Variants in EDNRA observed in about 807,000 individuals in gnomAD.
EDNRA encodes the protein endothelin-1 receptor.
EDNRA carries 11 observed loss-of-function variants against 41.4 expected under a neutral mutation model. That is an observed-to-expected ratio of 0.27 (90% CI 0.17 to 0.44). EDNRA has a LOEUF of 0.44. Ranked by LOEUF, EDNRA falls within the 20% of genes least tolerant of loss-of-function variation. The pLI is 1.00. For synonymous variants in EDNRA, 172 were observed against 183.0 expected (o/e 0.94, Z 0.49); for missense variants, 294 against 531.0 (o/e 0.55, Z 4.39).
At chr4:147,495,768 G>A (rs1729281883) in intron 2 of EDNRA, 1 of 152,180 alleles carries the variant, frequency 6.6e-6, no homozygotes, top group Non-Finnish European at 1.5e-5. Context: ...TTTCAGCTGG[G>A]TTAGAAACAT....
chr4:147,489,779 G>A (rs1238249729), intron 2 of EDNRA: 1 of 151,934 alleles, frequency 6.6e-6, no homozygotes, highest in African/African-American at 2.4e-5. Flanking sequence ...ACATATCCGG[G>A]ACTTTGCTTC....
chr4:147,483,116 G>A (rs1031902435), intron 1 of EDNRA, among the ~76,000 whole-genome samples: 1 of 152,148 alleles, frequency 6.6e-6, no homozygotes, highest in South Asian at 2.1e-4. Flanking sequence ...TGTTCCCTTT[G>A]GAATGGAAAT....
rs551329141 is a variant in EDNRA, at chr4:147,500,833, A to G, written c.420+14732A>G. Among the ~76,000 whole-genome samples the G allele has an allele frequency of 3.0e-4, 46 of 152,170 alleles. 2 individuals carry two copies. In the South Asian group the frequency reaches 8.9e-3, roughly 30 times the overall value. The stretch of plus-strand genomic sequence containing the variant: ...TGCCAGCACCCAGGTGACATTTCAT[A>G]TATTTGAGGAAGAAAGGGAGGGAGC... On this transcript the variant is annotated intron_variant, in intron 2 of 7. Transcript: ENST00000651419.
At chr4:147,500,355 G>A (rs986898611) in intron 2 of EDNRA, among the ~76,000 whole-genome samples, 2 of 152,164 alleles carry the variant, frequency 1.3e-5, no homozygotes, top group African/African-American at 4.8e-5. Context: ...TTTAACATTA[G>A]GTGTATGTGT....
chr4:147,515,857 T>C (rs757917778), intron 2 of EDNRA, among the ~76,000 whole-genome samples: 2 of 152,192 alleles, frequency 1.3e-5, no homozygotes, highest in African/African-American at 2.4e-5. Flanking sequence ...TGCATATCAG[T>C]GTATCATATG....
At position 147,544,695 on chromosome 4, in the gene EDNRA, G is replaced by A. The variant is rs955982542; in HGVS notation, c.*2077G>A. On this transcript the variant is annotated 3_prime_UTR_variant, in exon 8 of 8. Transcript: ENST00000651419. ...TTCACACCATTTTGTTTAGACAATTGTCTTTTTTTCAAGATGCTTTGTTTC... is the reference window on the plus strand; with the variant it reads ...TTCACACCATTTTGTTTAGACAATTATCTTTTTTTCAAGATGCTTTGTTTC... 4 of 152,472 alleles carry A rather than the reference G, an allele frequency of 2.6e-5. No homozygotes were observed. The East Asian group carries it at 5.8e-4, about 22-fold the overall frequency. The allele number at this position is 152,472 out of a possible 1,614,324, so 9.4% of individuals were successfully genotyped here.
intron 2 of EDNRA, among the ~76,000 whole-genome samples, chr4:147,501,968 T>C (rs1036737244): frequency 3.3e-5 from 5 of 152,228 alleles, no homozygotes; most frequent in African/African-American, 1.2e-4. Context: ...GCACTCTCAT[T>C]AGCAACGTAG....
chr4:147,490,185 A>G (rs1461640107), intron 2 of EDNRA: 1 of 145,850 alleles, frequency 6.9e-6, no homozygotes, highest in Non-Finnish European at 1.5e-5. Context: ...ACACACACAC[A>G]CAACCTGATG....
At chr4:147,528,360 T>TC (rs61594465) in intron 3 of EDNRA, among the ~76,000 whole-genome samples, 32,246 of 144,640 alleles carry the variant, frequency 0.22, 4,773 homozygotes, top group African/African-American at 0.44. Flanking sequence ...TTGCTTTCTT[T>TC]TTTTTTTTTT....
chr4:147,529,365 G>T (rs1419194747), intron 3 of EDNRA, among the ~76,000 whole-genome samples: 2 of 152,140 alleles, frequency 1.3e-5, no homozygotes, highest in African/African-American at 4.8e-5. Context: ...AGGAATTACC[G>T]CTAGATGGAT....
intron 2 of EDNRA, among the ~76,000 whole-genome samples, chr4:147,516,571 G>C (rs767734681): frequency 1.3e-5 from 2 of 152,166 alleles, no homozygotes; most frequent in Non-Finnish European, 2.9e-5. Context: ...AATGTCCTTG[G>C]AAATTATAAA....
At chr4:147,507,217 A>G (rs562478106) in intron 2 of EDNRA, among the ~76,000 whole-genome samples, 69 of 140,168 alleles carry the variant, frequency 4.9e-4, no homozygotes, top group Non-Finnish European at 7.1e-4. Context: ...TTGAGGGGGG[A>G]AAAAAAAAAA....
At chr4:147,534,420 T>G (rs542091937) in intron 4 of EDNRA, among the ~76,000 whole-genome samples, 3 of 152,360 alleles carry the variant, frequency 2.0e-5, no homozygotes, top group East Asian at 3.9e-4. Context: ...AACCTGAGGA[T>G]AGAATTCAGG....
intron 4 of EDNRA, among the ~76,000 whole-genome samples, chr4:147,532,986 T>TGG (rs1491262480): frequency 4.9e-5 from 6 of 122,492 alleles, no homozygotes; most frequent in African/African-American, 2.6e-4. Context: ...AGGGACTAGA[T>TGG]GTGTGTGTGT....
chr4:147,520,121 C>G, intron 3 of EDNRA, 143 bp downstream of exon 3: 1 of 1,182,702 alleles, frequency 8.5e-7, no homozygotes, highest in Non-Finnish European at 1.2e-6. Flanking sequence ...CTTGCCTTTG[C>G]TGTTTAGAAT....
At chr4:147,535,658 G>A (rs1338116919) in intron 4 of EDNRA, among the ~76,000 whole-genome samples, 1 of 152,080 alleles carries the variant, frequency 6.6e-6, no homozygotes, top group Non-Finnish European at 1.5e-5. Flanking sequence ...TTTTGTAAGT[G>A]CAGTTTCTTT....
intron 4 of EDNRA, among the ~76,000 whole-genome samples, chr4:147,534,707 T>C (rs1019513648): frequency 6.6e-6 from 1 of 152,250 alleles, no homozygotes; most frequent in African/African-American, 2.4e-5. Flanking sequence ...ATAAACACAA[T>C]ATTACTATAT....
Position 147,542,797 on chromosome 4 carries a change from C to A in EDNRA, c.*179C>A. 1 of 665,912 alleles carries A rather than the reference C, an allele frequency of 1.5e-6. No individual in the cohort carries two copies. The highest frequency in any genetic ancestry group is 2.4e-6 in the Non-Finnish European group (1 of 413,842). 41.3% of individuals were successfully genotyped at this position (665,912 alleles called of 1,614,324 possible). A position where few individuals can be genotyped will look rare whatever the true frequency, so the allele number is the denominator to read the frequency against. ...CTGGTTTATCCACCCACAACATCTACGAATCGTACTTCTTTAATTGATCTA... is the reference window on the plus strand; with the variant it reads ...CTGGTTTATCCACCCACAACATCTAAGAATCGTACTTCTTTAATTGATCTA... On this transcript the variant is annotated 3_prime_UTR_variant, in exon 8 of 8. Coordinates refer to ENST00000651419, the MANE Select transcript of EDNRA (RefSeq NM_001957.4).
At chr4:147,501,524 C>A (rs1729516699) in intron 2 of EDNRA, among the ~76,000 whole-genome samples, 1 of 152,194 alleles carries the variant, frequency 6.6e-6, no homozygotes, top group Non-Finnish European at 1.5e-5. Context: ...CCACTCCCAC[C>A]CTCTATAGCG....
Sources: gnomAD v4.1 joint callset for allele counts (sites outside exome capture counted in the v4.1 genomes callset) on GRCh38, gnomAD v4.1.1 for gene constraint, MANE v1.5 for transcripts, NCBI Gene and HGNC (gene_info 2026-07-23, HGNC 2026-07-21) for gene names.